Variants in TTC29 observed in about 807,000 individuals in gnomAD.
TTC29 encodes the protein tetratricopeptide repeat domain 29.
In TTC29, 49 loss-of-function variants were observed where a neutral mutation model predicts 58.1. The observed-to-expected ratio is 0.84, with a 90% CI of 0.67 to 1.07. TTC29 has a LOEUF of 1.07. TTC29 is among the 50% of genes least tolerant of loss of function. The probability of loss-of-function intolerance (pLI) is 0.00; values close to 1 mark genes in which losing one functional copy is unlikely to be tolerated. For missense variants in TTC29, 582 were observed against 555.6 expected (o/e 1.05, Z -0.48); for synonymous variants, 209 against 196.8 (o/e 1.06, Z -0.52).
At chr4:146,793,920 A>G (rs1334249974) in intron 11 of TTC29, among the ~76,000 whole-genome samples, 1 of 152,192 alleles carries the variant, frequency 6.6e-6, no homozygotes, top group Admixed American at 6.5e-5. Context: ...TGGTTAAATG[A>G]GACAGCAGAA....
chr4:146,718,649 A>G (rs1242898688), intron 11 of TTC29, among the ~76,000 whole-genome samples: 1 of 151,896 alleles, frequency 6.6e-6, no homozygotes, highest in Non-Finnish European at 1.5e-5. Context: ...ATCTCCTTCC[A>G]ATGCATAGGT....
At chr4:146,925,012 G>T (rs1734832876) in intron 4 of TTC29, among the ~76,000 whole-genome samples, 2 of 151,940 alleles carry the variant, frequency 1.3e-5, no homozygotes, top group South Asian at 2.1e-4. Flanking sequence ...AATTCGGGAA[G>T]ATTTTCCAAA....
intron 11 of TTC29, among the ~76,000 whole-genome samples, chr4:146,780,961 A>G (rs1437789609): frequency 6.6e-6 from 1 of 152,050 alleles, no homozygotes; most frequent in Admixed American, 6.6e-5. Flanking sequence ...CTTGAAGATT[A>G]AAATGGTTAG....
chr4:146,715,818 C>G (rs1742886818), intron 11 of TTC29, among the ~76,000 whole-genome samples: 1 of 152,102 alleles, frequency 6.6e-6, no homozygotes, highest in Admixed American at 6.6e-5. Context: ...GATGGCTATG[C>G]TAATTACCCT....
rs564157600 is a variant in TTC29, at chr4:146,721,058, A to G, written c.1331-13507T>C. 9.2e-5 allele frequency among the ~76,000 whole-genome samples: 14 copies of G among 152,282 alleles called. No individual in the cohort carries two copies. The East Asian group carries it at 2.7e-3, about 29-fold the overall frequency. ...CAATTATGGCATAACCCTCTGAATT[A>G]GTGCATGACCCTCAGAGAAGAAATG... On this transcript the variant is annotated intron_variant, in intron 11 of 12. Transcript: ENST00000325106.
chr4:146,726,470 C>T (rs767512765), intron 11 of TTC29, among the ~76,000 whole-genome samples: 6 of 152,058 alleles, frequency 3.9e-5, no homozygotes, highest in Non-Finnish European at 8.8e-5. Context: ...AAATATTTGA[C>T]TCAGTACCTA....
intron 6 of TTC29, among the ~76,000 whole-genome samples, chr4:146,877,111 T>C (rs1346849858): frequency 6.6e-6 from 1 of 151,950 alleles, no homozygotes; most frequent in African/African-American, 2.4e-5. Context: ...AGGCCATGAG[T>C]AGGATATTAT....
chr4:146,905,493 T>G (rs1288366549), intron 5 of TTC29, among the ~76,000 whole-genome samples: 1 of 151,778 alleles, frequency 6.6e-6, no homozygotes, highest in African/African-American at 2.4e-5. Flanking sequence ...ACTTGTCAGC[T>G]AAGCTATTTT....
At chr4:146,718,083 G>C (rs1440974545) in intron 11 of TTC29, among the ~76,000 whole-genome samples, 1 of 152,006 alleles carries the variant, frequency 6.6e-6, no homozygotes, top group East Asian at 1.9e-4. Flanking sequence ...TTTTAAGGCT[G>C]AATAATACTT....
chr4:146,832,249 G>T (rs1728212633), intron 9 of TTC29, among the ~76,000 whole-genome samples: 1 of 152,208 alleles, frequency 6.6e-6, no homozygotes, highest in African/African-American at 2.4e-5. Flanking sequence ...ACAATCAACA[G>T]AGTTGATTAG....
At chr4:146,783,338 T>A (rs1197114752) in intron 11 of TTC29, among the ~76,000 whole-genome samples, 1 of 146,064 alleles carries the variant, frequency 6.8e-6, no homozygotes, top group Non-Finnish European at 1.5e-5. Flanking sequence ...ACCCTCTTCT[T>A]CATTTTTTTT....
intron 11 of TTC29, among the ~76,000 whole-genome samples, chr4:146,777,396 T>C (rs1748189406): frequency 6.6e-6 from 1 of 152,184 alleles, no homozygotes; most frequent in Non-Finnish European, 1.5e-5. Context: ...GACTTTTTTT[T>C]TTTAAGCTAG....
At chr4:146,736,370 T>C (rs1397351123) in intron 11 of TTC29, among the ~76,000 whole-genome samples, 1 of 152,192 alleles carries the variant, frequency 6.6e-6, no homozygotes, top group African/African-American at 2.4e-5. Context: ...TGTGAAGTGG[T>C]TGCCTGTCCT....
rs1307144220 is a variant in TTC29 at position 146,919,504 on chromosome 4, A to G, written c.177-10255T>C. 5.3e-5 allele frequency among the ~76,000 whole-genome samples: 8 copies of G among 151,114 alleles called. No homozygotes were observed. In the East Asian group the frequency reaches 1.5e-3, roughly 29 times the overall value. On this transcript the variant is annotated intron_variant, in intron 4 of 12. Coordinates refer to ENST00000325106, the MANE Select transcript of TTC29 (RefSeq NM_031956.4). ...GGACTACAAAGAGTGGACTAAATAT[A>G]CATGTAAATATCATCATACTCACTC...
At chr4:146,740,826 C>T (rs1336701697) in intron 11 of TTC29, among the ~76,000 whole-genome samples, 1 of 152,046 alleles carries the variant, frequency 6.6e-6, no homozygotes, top group Non-Finnish European at 1.5e-5. Flanking sequence ...AACTTCTGGG[C>T]TCAAGTGATC....
At chr4:146,907,500 T>C (rs190200879) in intron 5 of TTC29, among the ~76,000 whole-genome samples, 159 of 152,130 alleles carry the variant, frequency 1.0e-3, no homozygotes, top group African/African-American at 3.7e-3. Flanking sequence ...TTGTTTTGTT[T>C]TGTTTGTTTT....
intron 11 of TTC29, among the ~76,000 whole-genome samples, chr4:146,744,893 T>C (rs1745426919): frequency 6.6e-6 from 1 of 152,204 alleles, no homozygotes; most frequent in Non-Finnish European, 1.5e-5. Context: ...GTGTGAGTTG[T>C]ATTAAAGGTA....
intron 11 of TTC29, among the ~76,000 whole-genome samples, chr4:146,779,225 TC>T (rs898143015): frequency 2.0e-5 from 3 of 152,078 alleles, no homozygotes; most frequent in Non-Finnish European, 4.4e-5. Context: ...TTTATTGACA[TC>T]CTCAATTAAT....
At chr4:146,800,231 T>G (rs976713267) in intron 11 of TTC29, among the ~76,000 whole-genome samples, 1 of 151,634 alleles carries the variant, frequency 6.6e-6, no homozygotes, top group Non-Finnish European at 1.5e-5. Context: ...AGATGAGAGA[T>G]GATTGCTGGT....
Sources: allele counts gnomAD v4.1 joint callset (sites outside exome capture counted in the v4.1 genomes callset), GRCh38; gene constraint gnomAD v4.1.1; transcripts MANE v1.5; gene names NCBI Gene and HGNC (gene_info 2026-07-23, HGNC 2026-07-21).